The following BMPER variants were observed in gnomAD, a reference collection of about 807,000 sequenced individuals.
The protein encoded by BMPER is BMP binding endothelial regulator.
In BMPER, 45 loss-of-function variants were observed where a neutral mutation model predicts 87.3. That is an observed-to-expected ratio of 0.52 (90% CI 0.41 to 0.66). The LOEUF (loss-of-function observed/expected upper bound fraction) is 0.66, where lower values mean the gene tolerates loss of function less well. BMPER is among the 30% of genes least tolerant of loss of function. The pLI is 0.00. For missense variants in BMPER, 784 were observed against 867.5 expected (o/e 0.90, Z 1.21); for synonymous variants, 326 against 316.2 (o/e 1.03, Z -0.33).
At chr7:33,938,334 T>C (rs1289141278) in intron 3 of BMPER, among the ~76,000 whole-genome samples, 2 of 152,204 alleles carry the variant, frequency 1.3e-5, no homozygotes, top group African/African-American at 2.4e-5. Flanking sequence ...GAATGTGACC[T>C]TGTTTGGAAC....
intron 6 of BMPER, among the ~76,000 whole-genome samples, chr7:33,982,338 G>C (rs1051992959): frequency 1.3e-5 from 2 of 152,140 alleles, no homozygotes; most frequent in African/African-American, 4.8e-5. Context: ...GGAGAATTGA[G>C]CAATTATTGA....
chr7:34,089,989 T>C (rs1789335027), intron 13 of BMPER, among the ~76,000 whole-genome samples: 1 of 152,224 alleles, frequency 6.6e-6, no homozygotes. Flanking sequence ...TTGACCCATT[T>C]TGGCTAATTT....
intron 3 of BMPER, among the ~76,000 whole-genome samples, chr7:33,940,323 C>T (rs1051093727): frequency 6.6e-6 from 1 of 152,148 alleles, no homozygotes; most frequent in Non-Finnish European, 1.5e-5. Context: ...AGTGTCTCAA[C>T]ATTCATTTGG....
intron 13 of BMPER, among the ~76,000 whole-genome samples, chr7:34,101,465 A>AAT (rs1789680605): frequency 6.6e-6 from 1 of 152,220 alleles, no homozygotes; most frequent in Admixed American, 6.5e-5. Context: ...TTTTTAAATA[A>AAT]TCACTGGATG....
In BMPER at chr7:34,149,304, A is replaced by G. The variant is rs184073921; in HGVS notation, c.1877-3788A>G. 4.6e-5 allele frequency among the ~76,000 whole-genome samples: 7 copies of G among 152,310 alleles called. No homozygotes were observed. In the South Asian group the frequency reaches 1.5e-3, roughly 32 times the overall value. On this transcript the variant is annotated intron_variant, in intron 14 of 14. Coordinates refer to ENST00000649409, the MANE Select transcript of BMPER (RefSeq NM_001365308.1). ...GAGACTCTTATGAATATCTCTGATTAAGGACTATAGCTGTACTGTAATTAA... is the reference window on the plus strand; with the variant it reads ...GAGACTCTTATGAATATCTCTGATTGAGGACTATAGCTGTACTGTAATTAA...
At chr7:33,908,512 G>C (rs915275952) in intron 2 of BMPER, among the ~76,000 whole-genome samples, 6 of 152,146 alleles carry the variant, frequency 3.9e-5, no homozygotes, top group African/African-American at 1.4e-4. Flanking sequence ...TGGAGACTTA[G>C]TGATAAGAAG....
At chr7:34,137,324 C>T (rs768870270) in intron 13 of BMPER, among the ~76,000 whole-genome samples, 6 of 152,202 alleles carry the variant, frequency 3.9e-5, no homozygotes, top group African/African-American at 7.2e-5. Flanking sequence ...TGGCCTTGGC[C>T]GTATTAAGCA....
chr7:34,059,902 C>T (rs13231080), intron 10 of BMPER, among the ~76,000 whole-genome samples: 1 of 152,096 alleles, frequency 6.6e-6, no homozygotes, highest in Non-Finnish European at 1.5e-5. Flanking sequence ...CTCCCCCATC[C>T]TGCAACTCCC....
chr7:34,134,726 T>C (rs1790677969), intron 13 of BMPER, among the ~76,000 whole-genome samples: 1 of 152,176 alleles, frequency 6.6e-6, no homozygotes, highest in South Asian at 2.1e-4. Flanking sequence ...AATTTAACTG[T>C]GGGCATGAAG....
chr7:33,979,640 T>A (rs1785792974), intron 6 of BMPER, among the ~76,000 whole-genome samples: 1 of 152,160 alleles, frequency 6.6e-6, no homozygotes, highest in African/African-American at 2.4e-5. Context: ...GTAAATCTGG[T>A]CAGATATCCC....
At chr7:34,083,225 T>C (rs1428410523) in intron 12 of BMPER, among the ~76,000 whole-genome samples, 2 of 152,214 alleles carry the variant, frequency 1.3e-5, no homozygotes, top group Non-Finnish European at 2.9e-5. Flanking sequence ...TCGTTTTCTA[T>C]GATAGTTGTA....
chr7:34,128,195 T>C (rs566640347), intron 13 of BMPER, among the ~76,000 whole-genome samples: 1 of 152,304 alleles, frequency 6.6e-6, no homozygotes, highest in Admixed American at 6.5e-5. Context: ...CTTTTTTTCC[T>C]CTTTGCCTGG....
At chr7:34,069,859 T>G (rs898687234) in intron 11 of BMPER, among the ~76,000 whole-genome samples, 12 of 152,212 alleles carry the variant, frequency 7.9e-5, no homozygotes, top group African/African-American at 2.7e-4. Flanking sequence ...TTAGCTGTGC[T>G]TTGCATGGCC....
In BMPER at chr7:34,079,080, G is replaced by T. The variant is rs772932751; in HGVS notation, c.1302G>T (p.Gln434His). 8 of 1,614,066 alleles carry T rather than the reference G, an allele frequency of 5.0e-6. No homozygotes were observed. The South Asian group carries it at 8.8e-5, about 18-fold the overall frequency. ...GCGAGAGCAGGGTCAGCCTGCAGCA[G>T]CACCTCACCGTGCGCTGGAACGGCT... ...VLGESRVSLQ[Q>H]HLTVRWNGSR... The change falls in exon 12 of 15, where the codon CAG becomes CAT. Residue 434 changes from glutamine (Q) to histidine (H), a missense_variant. Transcript: ENST00000649409.
chr7:34,016,041 A>C (rs1253330311), intron 6 of BMPER, among the ~76,000 whole-genome samples: 2 of 151,860 alleles, frequency 1.3e-5, no homozygotes, highest in Non-Finnish European at 2.9e-5. Context: ...TGAGAGAGAG[A>C]GAGAAGCACT....
chr7:34,149,106 G>C (rs1440652024), intron 14 of BMPER, among the ~76,000 whole-genome samples: 1 of 152,074 alleles, frequency 6.6e-6, no homozygotes, highest in Non-Finnish European at 1.5e-5. Context: ...GAAGATAAGA[G>C]TCCTGCCCTC....
intron 6 of BMPER, among the ~76,000 whole-genome samples, chr7:34,024,349 C>G (rs1787280292): frequency 1.3e-5 from 1 of 75,870 alleles, no homozygotes; most frequent in Non-Finnish European, 2.2e-5. Context: ...CAGAGCGAAA[C>G]TCTGTCTCAA....
intron 13 of BMPER, among the ~76,000 whole-genome samples, chr7:34,102,569 T>C (rs1340917416): frequency 6.6e-6 from 1 of 152,080 alleles, no homozygotes; most frequent in Non-Finnish European, 1.5e-5. Flanking sequence ...ATACATAGAG[T>C]GGAAGAGAGG....
intron 13 of BMPER, among the ~76,000 whole-genome samples, chr7:34,104,504 T>C (rs1789768878): frequency 1.3e-5 from 2 of 152,206 alleles, no homozygotes; most frequent in Non-Finnish European, 2.9e-5. Flanking sequence ...TGTTGAACAA[T>C]GTTCATGGGT....
Sources: allele counts gnomAD v4.1 joint callset (sites outside exome capture counted in the v4.1 genomes callset), GRCh38; gene constraint gnomAD v4.1.1; transcripts MANE v1.5; gene names NCBI Gene and HGNC (gene_info 2026-07-23, HGNC 2026-07-21).